Variants in HTR1F observed in about 807,000 individuals in gnomAD.
The protein encoded by HTR1F is 5-hydroxytryptamine receptor 1F.
HTR1F carries 17 observed loss-of-function variants against 24.0 expected under a neutral mutation model. The ratio of observed to expected loss-of-function variants is 0.71; its 90% CI spans 0.48 to 1.06. The LOEUF is 1.06. HTR1F is among the 50% of genes least tolerant of loss of function. The pLI is 0.00. For missense variants in HTR1F, 391 were observed against 427.8 expected, an observed-to-expected ratio of 0.91 and a Z score of 0.76; for synonymous variants, 186 against 156.8, an observed-to-expected ratio of 1.19 and a Z score of -1.39.
intron 1 of HTR1F, among the ~76,000 whole-genome samples, chr3:87,817,854 T>C (rs1704278604): frequency 6.6e-6 from 1 of 152,224 alleles, no homozygotes. Context: ...ATTGCTCATG[T>C]TACTGACGAA....
intron 2 of HTR1F, among the ~76,000 whole-genome samples, chr3:87,938,352 G>A (rs970159878): frequency 4.6e-5 from 7 of 152,236 alleles, no homozygotes; most frequent in Middle Eastern, 6.8e-3. Context: ...TCATTAAACT[G>A]GCCATACTGC....
intron 2 of HTR1F, among the ~76,000 whole-genome samples, chr3:87,934,046 A>G (rs1046706773): frequency 1.3e-5 from 2 of 152,142 alleles, no homozygotes; most frequent in African/African-American, 4.8e-5. Flanking sequence ...ACTTCATAAT[A>G]TCTGGTTCGT....
chr3:87,931,707 G>C (rs533745493), intron 2 of HTR1F, among the ~76,000 whole-genome samples: 58 of 152,000 alleles, frequency 3.8e-4, no homozygotes, highest in South Asian at 1.0e-3. Flanking sequence ...CTCTCCAGCA[G>C]CTGTTGTTTC....
intron 1 of HTR1F, among the ~76,000 whole-genome samples, chr3:87,804,651 T>C (rs552992568): frequency 5.3e-5 from 8 of 152,262 alleles, no homozygotes; most frequent in African/African-American, 1.9e-4. Context: ...TTCTTTGTGC[T>C]CACGTTACTA....
chr3:87,871,382 A>T (rs1705552576), intron 2 of HTR1F, among the ~76,000 whole-genome samples: 1 of 151,996 alleles, frequency 6.6e-6, no homozygotes, highest in African/African-American at 2.4e-5. Context: ...AAAAGAAAAA[A>T]GAATGAAGAA....
intron 2 of HTR1F, among the ~76,000 whole-genome samples, chr3:87,973,311 G>T (rs1705326028): frequency 6.6e-6 from 1 of 152,076 alleles, no homozygotes; most frequent in African/African-American, 2.4e-5. Flanking sequence ...ATCCTCAACT[G>T]CCATAACCTA....
chr3:87,871,945 A>G (rs2938264), intron 2 of HTR1F, among the ~76,000 whole-genome samples: 24,418 of 152,066 alleles, frequency 0.16, 2,262 homozygotes, highest in African/African-American at 0.25. Flanking sequence ...CTACCCAACA[A>G]CAGTGAATGA....
chr3:87,827,648 G>A (rs1704492827), intron 2 of HTR1F, among the ~76,000 whole-genome samples: 1 of 152,080 alleles, frequency 6.6e-6, no homozygotes, highest in Non-Finnish European at 1.5e-5. Flanking sequence ...TTCCAGTTTT[G>A]TAAATAAATG....
chr3:87,945,307 T>C (rs1704671705), intron 2 of HTR1F, among the ~76,000 whole-genome samples: 3 of 152,154 alleles, frequency 2.0e-5, no homozygotes, highest in Non-Finnish European at 2.9e-5. Context: ...GGACACAGCA[T>C]AGAGCTTCCT....
chr3:87,846,706 A>G (rs748548458), intron 2 of HTR1F, among the ~76,000 whole-genome samples: 2 of 151,952 alleles, frequency 1.3e-5, no homozygotes, highest in Non-Finnish European at 2.9e-5. Flanking sequence ...TCGGTAATAT[A>G]ATAAGTTGCT....
At chr3:87,889,301 AGACT>A (rs1706027445) in intron 2 of HTR1F, among the ~76,000 whole-genome samples, 1 of 152,294 alleles carries the variant, frequency 6.6e-6, no homozygotes, top group Admixed American at 6.5e-5. Flanking sequence ...AACACTAAAC[AGACT>A]AAGACAGCAA....
intron 2 of HTR1F, among the ~76,000 whole-genome samples, chr3:87,896,874 C>A (rs916497383): frequency 6.6e-6 from 1 of 151,974 alleles, no homozygotes; most frequent in African/African-American, 2.4e-5. Flanking sequence ...GCCACTATAC[C>A]CATTAGGATA....
intron 2 of HTR1F, among the ~76,000 whole-genome samples, chr3:87,945,458 C>T (rs1704675093): frequency 6.6e-6 from 1 of 152,128 alleles, no homozygotes; most frequent in African/African-American, 2.4e-5. Context: ...GTTTGGGACC[C>T]AGGAGGTACA....
chr3:87,825,534 T>A (rs1444498640), intron 2 of HTR1F, among the ~76,000 whole-genome samples: 1 of 152,216 alleles, frequency 6.6e-6, no homozygotes, highest in Non-Finnish European at 1.5e-5. Context: ...CATTCCTTAA[T>A]GCCTGGCTCT....
rs113970008 is a variant in HTR1F, at chr3:87,857,864, C to T, written c.-43+35740C>T. On this transcript the variant is annotated intron_variant, in intron 2 of 2. Coordinates refer to ENST00000319595, the MANE Select transcript of HTR1F (RefSeq NM_001322209.2). ...AACATATTCACAGGCTCTGGGGATT[C>T]GAGTATGGAACTTTTGGGGAGGTTT... Among the ~76,000 whole-genome samples the T allele has an allele frequency of 6.8e-3, 1,033 of 152,050 alleles. 19 individuals are homozygous for T. Among genetic ancestry groups the T allele is most frequent in the African/African-American group, 0.024 (987 of 41,464 alleles).
At chr3:87,819,381 A>G (rs1361094263) in intron 1 of HTR1F, among the ~76,000 whole-genome samples, 2 of 150,660 alleles carry the variant, frequency 1.3e-5, no homozygotes, top group African/African-American at 4.9e-5. Context: ...ACATATTTAT[A>G]CTGGTTGTTT....
At chr3:87,894,439 A>G (rs1011741182) in intron 2 of HTR1F, among the ~76,000 whole-genome samples, 1 of 151,918 alleles carries the variant, frequency 6.6e-6, no homozygotes, top group African/African-American at 2.4e-5. Flanking sequence ...GTATTTTCTT[A>G]CAGAGACAGG....
intron 2 of HTR1F, among the ~76,000 whole-genome samples, chr3:87,880,204 GA>G (rs1705759760): frequency 6.6e-6 from 1 of 152,156 alleles, no homozygotes; most frequent in South Asian, 2.1e-4. Context: ...AGGGGCATGA[GA>G]AAACTTTGGG....
At chr3:87,881,760 G>A (rs1387859034) in intron 2 of HTR1F, among the ~76,000 whole-genome samples, 1 of 152,110 alleles carries the variant, frequency 6.6e-6, no homozygotes, top group East Asian at 1.9e-4. Flanking sequence ...AAAAACCCTA[G>A]AAGAAAACCT....
Sources: allele counts gnomAD v4.1 joint callset (sites outside exome capture counted in the v4.1 genomes callset), GRCh38; gene constraint gnomAD v4.1.1; transcripts MANE v1.5; gene names NCBI Gene and HGNC (gene_info 2026-07-23, HGNC 2026-07-21).